The following RPS6KC1 variants were observed in gnomAD, a reference collection of about 807,000 sequenced individuals.
RPS6KC1 encodes the protein ribosomal protein S6 kinase C1, also known as inactive ribosomal protein S6 kinase delta-1.
Under a neutral mutation model 103.8 loss-of-function variants are expected in RPS6KC1, and 54 were observed. The observed-to-expected ratio is 0.52, with a 90% CI of 0.42 to 0.65. The LOEUF (loss-of-function observed/expected upper bound fraction) is 0.65. Ranked by LOEUF, RPS6KC1 falls within the 30% of genes least tolerant of loss-of-function variation. The pLI is 0.00. For missense variants in RPS6KC1, 1,151 were observed against 1,253.8 expected (o/e 0.92, Z 1.24); for synonymous variants, 439 against 438.7 (o/e 1.00, Z -0.01).
the RPS6KC1 span, among the ~76,000 whole-genome samples, chr1:213,850,796 CTT>C: frequency 2.1e-5 from 3 of 142,128 alleles, no homozygotes; most frequent in Non-Finnish European, 3.1e-5. Flanking sequence ...GCTTACTTGG[CTT>C]TTTTTTTTTT....
chr1:213,494,580 A>G, the RPS6KC1 span, among the ~76,000 whole-genome samples: 3 of 152,062 alleles, frequency 2.0e-5, no homozygotes, highest in African/African-American at 7.2e-5. Flanking sequence ...TATTGTTTTG[A>G]GAGACAAATG....
the RPS6KC1 span, among the ~76,000 whole-genome samples, chr1:213,843,773 A>G: frequency 6.6e-5 from 10 of 152,362 alleles, no homozygotes; most frequent in Admixed American, 6.5e-4. Flanking sequence ...ACTGTTCAAT[A>G]AGAGAAAGAT....
At chr1:213,825,702 T>G in the RPS6KC1 span, among the ~76,000 whole-genome samples, 1 of 152,162 alleles carries the variant, frequency 6.6e-6, no homozygotes, top group African/African-American at 2.4e-5. Context: ...AATCACAACC[T>G]TTGTGGGTAT....
At chr1:213,335,126 AG>A in the RPS6KC1 span, among the ~76,000 whole-genome samples, 1 of 152,232 alleles carries the variant, frequency 6.6e-6, no homozygotes, top group Non-Finnish European at 1.5e-5. Context: ...AGAAGCACAC[AG>A]GGGAAGAACC....
chr1:213,688,436 G>T, the RPS6KC1 span, among the ~76,000 whole-genome samples: 1 of 152,146 alleles, frequency 6.6e-6, no homozygotes, highest in Non-Finnish European at 1.5e-5. Flanking sequence ...AGTTCCCACA[G>T]CTGGGAACAG....
At chr1:213,114,491 G>A (rs2083365677) in intron 4 of RPS6KC1, among the ~76,000 whole-genome samples, 1 of 151,786 alleles carries the variant, frequency 6.6e-6, no homozygotes, top group African/African-American at 2.4e-5. Flanking sequence ...ATACAATCAT[G>A]TCATCTGCAA....
the RPS6KC1 span, among the ~76,000 whole-genome samples, chr1:213,329,412 C>A: frequency 0.029 from 4,452 of 152,098 alleles, 91 homozygotes; most frequent in Middle Eastern, 0.082. Context: ...CCATCTAATC[C>A]CTTATCATGA....
the RPS6KC1 span, among the ~76,000 whole-genome samples, chr1:213,429,347 T>C: frequency 6.6e-6 from 1 of 151,872 alleles, no homozygotes; most frequent in Non-Finnish European, 1.5e-5. Flanking sequence ...AGAGATGGAG[T>C]TTTGCCATAT....
intron 1 of RPS6KC1, among the ~76,000 whole-genome samples, chr1:213,060,854 G>A (rs1029233371): frequency 6.6e-6 from 1 of 152,130 alleles, no homozygotes; most frequent in Non-Finnish European, 1.5e-5. Flanking sequence ...AATCTAGAAA[G>A]CCACAACTCC....
chr1:213,833,244 A>G, the RPS6KC1 span, among the ~76,000 whole-genome samples: 1 of 152,210 alleles, frequency 6.6e-6, no homozygotes, highest in Non-Finnish European at 1.5e-5. Flanking sequence ...TCAGGCCTTC[A>G]TGGCCACGGT....
At chr1:213,253,683 G>A (rs1378724011) in intron 12 of RPS6KC1, among the ~76,000 whole-genome samples, 1 of 152,132 alleles carries the variant, frequency 6.6e-6, no homozygotes, top group Non-Finnish European at 1.5e-5. Context: ...ATAAACGTAT[G>A]TCATGAAGCA....
chr1:213,333,833 C>A, the RPS6KC1 span, among the ~76,000 whole-genome samples: 1 of 152,060 alleles, frequency 6.6e-6, no homozygotes, highest in Non-Finnish European at 1.5e-5. Context: ...AGGCACCCAC[C>A]ACCACGCCTG....
the RPS6KC1 span, among the ~76,000 whole-genome samples, chr1:213,577,181 G>A: frequency 6.6e-6 from 1 of 152,164 alleles, no homozygotes; most frequent in Non-Finnish European, 1.5e-5. Flanking sequence ...TAGTGAATAA[G>A]TCTTACAAGA....
At chr1:213,782,595 G>T in the RPS6KC1 span, among the ~76,000 whole-genome samples, 1 of 152,088 alleles carries the variant, frequency 6.6e-6, no homozygotes, top group South Asian at 2.1e-4. Flanking sequence ...TTTTTAATTG[G>T]ATTTGTGTAG....
chr1:213,506,781 A>G, the RPS6KC1 span, among the ~76,000 whole-genome samples: 2 of 152,240 alleles, frequency 1.3e-5, no homozygotes, highest in African/African-American at 4.8e-5. Flanking sequence ...GCTATAACTC[A>G]ACGACATTGT....
chr1:213,102,814 GTATATA>G (rs1268296263), intron 3 of RPS6KC1, among the ~76,000 whole-genome samples: 1 of 152,076 alleles, frequency 6.6e-6, no homozygotes, highest in Non-Finnish European at 1.5e-5. Flanking sequence ...ATGCACCTGT[GTATATA>G]TATGCATGGA....
intron 8 of RPS6KC1, among the ~76,000 whole-genome samples, chr1:213,184,836 A>G (rs1053367505): frequency 2.0e-5 from 3 of 152,090 alleles, no homozygotes; most frequent in African/African-American, 7.2e-5. Flanking sequence ...GTTTTATCCC[A>G]TTGTGGTCAG....
the RPS6KC1 span, among the ~76,000 whole-genome samples, chr1:213,545,302 C>T: frequency 6.6e-6 from 1 of 151,408 alleles, no homozygotes; most frequent in Non-Finnish European, 1.5e-5. Flanking sequence ...ACCCAGGAGG[C>T]GGAGGTTGCA....
At chr1:213,088,164 A>G (rs770296536) in intron 3 of RPS6KC1, among the ~76,000 whole-genome samples, 14 of 152,152 alleles carry the variant, frequency 9.2e-5, no homozygotes, top group Non-Finnish European at 1.9e-4. Flanking sequence ...CTGTGGTTCA[A>G]CGATGGCCCA....
Sources: gnomAD v4.1 joint callset for allele counts (sites outside exome capture counted in the v4.1 genomes callset) on GRCh38, gnomAD v4.1.1 for gene constraint, MANE v1.5 for transcripts, NCBI Gene and HGNC (gene_info 2026-07-23, HGNC 2026-07-21) for gene names.